Variants in RNF157 observed in about 807,000 individuals in gnomAD.
The protein encoded by RNF157 is E3 ubiquitin ligase RNF157.
A neutral mutation model predicts 88.3 loss-of-function variants in RNF157; 55 were observed. That is an observed-to-expected ratio of 0.62 (90% confidence interval 0.50 to 0.78). The LOEUF (loss-of-function observed/expected upper bound fraction) is 0.78, where lower values mean the gene tolerates loss of function less well. Ranked by LOEUF, RNF157 falls within the 30% of genes least tolerant of loss-of-function variation. The pLI, the probability that RNF157 is intolerant of heterozygous loss-of-function variation, is 0.00. For synonymous variants in RNF157, 334 were observed against 341.2 expected (o/e 0.98, Z 0.23); for missense variants, 788 against 860.8 (o/e 0.92, Z 1.06).
intron 3 of RNF157, among the ~76,000 whole-genome samples, chr17:76,172,075 G>A (rs1353221966): frequency 6.6e-6 from 1 of 152,238 alleles, no homozygotes; most frequent in Non-Finnish European, 1.5e-5. Flanking sequence ...CAGCAGACAG[G>A]TACCTCCTTG....
chr17:76,215,698 C>T (rs2069877507), intron 1 of RNF157, among the ~76,000 whole-genome samples: 1 of 152,070 alleles, frequency 6.6e-6, no homozygotes, highest in South Asian at 2.1e-4. Flanking sequence ...TTAAATAAAA[C>T]AATGTGGATA....
chr17:76,183,118 G>C (rs1235263645), intron 2 of RNF157, among the ~76,000 whole-genome samples: 2 of 151,576 alleles, frequency 1.3e-5, no homozygotes, highest in African/African-American at 4.8e-5. Context: ...TGTATTTTTA[G>C]TAGAGATAGG....
chr17:76,173,961 C>T (rs2069061690), intron 2 of RNF157, among the ~76,000 whole-genome samples, 171 bp from the exon 3 acceptor site: 1 of 152,082 alleles, frequency 6.6e-6, no homozygotes, highest in South Asian at 2.1e-4. Flanking sequence ...TGCTCAAGGT[C>T]ACAGCTAGCG....
chr17:76,204,324 G>A (rs1272314929), intron 2 of RNF157, among the ~76,000 whole-genome samples: 1 of 152,194 alleles, frequency 6.6e-6, no homozygotes, highest in Non-Finnish European at 1.5e-5. Flanking sequence ...TCCCCTCCCA[G>A]AAGCCCCTTC....
In RNF157 at chr17:76,194,782, A is replaced by C. The variant is rs62090130; in HGVS notation, c.207+17582T>G. Among the ~76,000 whole-genome samples, 26 of 152,218 alleles carry C rather than the reference A, an allele frequency of 1.7e-4. No individual in the cohort carries two copies. The South Asian group carries it at 5.0e-3, about 29-fold the overall frequency. On this transcript the variant is annotated intron_variant, in intron 2 of 18. Coordinates refer to ENST00000269391, the MANE Select transcript of RNF157 (RefSeq NM_052916.3). ...TGTAATCCCAGCACTTTGGGAGGCC[A>C]AGGTGGGCAGATCACGAGGTCAGGA... is the stretch of plus-strand genomic sequence containing the variant.
In RNF157 at chr17:76,146,640, T is replaced by G. The variant is rs928994765; in HGVS notation, c.1922-1287A>C. ...GGGGGAGGCCCAGTGTGCTCCTAAG[T>G]GCTCCCTGCAGCCTGAACTACTGCT... is the stretch of plus-strand genomic sequence containing the variant. On this transcript the variant is annotated intron_variant, in intron 18 of 18. Coordinates refer to ENST00000269391, the MANE Select transcript of RNF157 (RefSeq NM_052916.3). The surrounding 1 kb of genome is among the most constrained non-coding windows in gnomAD (Gnocchi z 4.2). 3.0e-6 allele frequency: 3 copies of G among 985,360 alleles called. No homozygotes were observed. The African/African-American group carries it at 5.2e-5, about 17-fold the overall frequency. 61.0% of individuals were successfully genotyped at this position (985,360 alleles called of 1,614,324 possible).
intron 2 of RNF157, among the ~76,000 whole-genome samples, chr17:76,203,072 C>T (rs954485799): frequency 6.6e-6 from 1 of 152,166 alleles, no homozygotes; most frequent in Admixed American, 6.5e-5. Flanking sequence ...CTCGCTGCAA[C>T]CTCCGCCTTC....
chr17:76,218,925 C>T (rs1245360795), intron 1 of RNF157, among the ~76,000 whole-genome samples: 2 of 151,530 alleles, frequency 1.3e-5, no homozygotes, highest in Admixed American at 6.6e-5. Context: ...CAGAGCAAGA[C>T]TCCATCTCAA....
At chr17:76,151,455 C>T (rs1164827695) in intron 18 of RNF157, among the ~76,000 whole-genome samples, 17 of 152,152 alleles carry the variant, frequency 1.1e-4, no homozygotes, top group Non-Finnish European at 8.8e-5. Flanking sequence ...GCACTGGACC[C>T]GTGATGTGGC....
intron 17 of RNF157, chr17:76,154,044 C>T (rs1435126939): frequency 2.0e-6 from 1 of 512,774 alleles, no homozygotes; most frequent in Non-Finnish European, 3.5e-6. Flanking sequence ...TATGTATCTC[C>T]TGCAGCACCC....
intron 1 of RNF157, among the ~76,000 whole-genome samples, chr17:76,231,649 A>G (rs2070195233): frequency 6.6e-6 from 1 of 152,176 alleles, no homozygotes; most frequent in African/African-American, 2.4e-5. Context: ...AAGAAAAAAA[A>G]AAGTCTACCT....
At chr17:76,237,913 T>C (rs1426195336) in intron 1 of RNF157, among the ~76,000 whole-genome samples, 1 of 152,016 alleles carries the variant, frequency 6.6e-6, no homozygotes, top group African/African-American at 2.4e-5. Flanking sequence ...TGAAACCCCA[T>C]CTCCACTAAA....
chr17:76,182,451 CTGTGTG>C (rs5822121), intron 2 of RNF157, among the ~76,000 whole-genome samples: 44 of 144,118 alleles, frequency 3.1e-4, no homozygotes, highest in South Asian at 8.8e-4. Context: ...CGCATTTAGT[CTGTGTG>C]TGTGTGTGTG....
intron 18 of RNF157, 116 bp from the exon 19 acceptor site, chr17:76,145,469 G>A: frequency 2.9e-6 from 2 of 683,240 alleles, no homozygotes; most frequent in Non-Finnish European, 5.1e-6. Flanking sequence ...TGTCACCTGA[G>A]ACTCCGATGA....
intron 3 of RNF157, among the ~76,000 whole-genome samples, chr17:76,169,439 T>G (rs1258361666): frequency 2.0e-5 from 3 of 152,160 alleles, no homozygotes; most frequent in African/African-American, 7.2e-5. Flanking sequence ...TTTTTTACTT[T>G]ATTATTATTT....
At chr17:76,185,196 T>C (rs1456437979) in intron 2 of RNF157, among the ~76,000 whole-genome samples, 1 of 152,160 alleles carries the variant, frequency 6.6e-6, no homozygotes, top group Non-Finnish European at 1.5e-5. Context: ...GTGAACTGCT[T>C]AGATGACAAA....
intron 2 of RNF157, among the ~76,000 whole-genome samples, chr17:76,192,706 C>A (rs963017576): frequency 6.6e-6 from 1 of 152,172 alleles, no homozygotes; most frequent in Non-Finnish European, 1.5e-5. Flanking sequence ...GCTTGACTAG[C>A]AGCTGAAACC....
At chr17:76,233,510 A>G (rs1261672260) in intron 1 of RNF157, among the ~76,000 whole-genome samples, 1 of 151,990 alleles carries the variant, frequency 6.6e-6, no homozygotes, top group Non-Finnish European at 1.5e-5. Flanking sequence ...TAGGGGTTTC[A>G]TTGTTTTTGC....
chr17:76,162,847 C>T (rs1040631375), intron 8 of RNF157: 1 of 425,410 alleles, frequency 2.4e-6, no homozygotes, highest in African/African-American at 2.1e-5. Context: ...TTATATACAA[C>T]AGGGAACATA....
Sources: gnomAD v4.1 joint callset for allele counts (sites outside exome capture counted in the v4.1 genomes callset) on GRCh38, gnomAD v4.1.1 for gene constraint, Gnocchi (gnomAD v3.1) non-coding constraint, MANE v1.5 for transcripts, NCBI Gene and HGNC (gene_info 2026-07-23, HGNC 2026-07-21) for gene names.